FTO: variants seen among roughly 807,000 people sequenced by gnomAD.
FTO encodes the protein alpha-ketoglutarate-dependent dioxygenase FTO.
In FTO, 47 loss-of-function variants were observed where a neutral mutation model predicts 63.9. That is an observed-to-expected ratio of 0.74 (90% CI 0.58 to 0.94). FTO has a LOEUF of 0.94. Ranked by LOEUF, FTO falls within the 40% of genes least tolerant of loss-of-function variation. FTO has a pLI of 0.00. For missense variants in FTO, 562 were observed against 618.1 expected (o/e 0.91, Z 0.96); for synonymous variants, 207 against 224.4 (o/e 0.92, Z 0.69).
At chr16:53,717,322 T>A (rs1264867282) in intron 1 of FTO, among the ~76,000 whole-genome samples, 1 of 152,066 alleles carries the variant, frequency 6.6e-6, no homozygotes, top group African/African-American at 2.4e-5. Context: ...AAATGTTTGC[T>A]GATTTGGAGG....
intron 8 of FTO, among the ~76,000 whole-genome samples, chr16:53,964,350 G>A (rs533127369): frequency 6.6e-6 from 1 of 152,308 alleles, no homozygotes; most frequent in South Asian, 2.1e-4. Flanking sequence ...AAAAGAGGTG[G>A]CAGGATTTGA....
chr16:53,732,756 C>T (rs2076303365), intron 1 of FTO, among the ~76,000 whole-genome samples: 2 of 152,038 alleles, frequency 1.3e-5, no homozygotes, highest in Non-Finnish European at 2.9e-5. Context: ...GGTGGAAAGG[C>T]CAGCAGATTT....
rs1009172398 is a variant in FTO at position 53,778,189 on chromosome 16, G to A, written c.46-31951G>A. 2.6e-5 allele frequency among the ~76,000 whole-genome samples: 4 copies of A among 152,012 alleles called. No individual in the cohort carries two copies. In the East Asian group the frequency reaches 7.7e-4, roughly 29 times the overall value. On this transcript the variant is annotated intron_variant, in intron 1 of 8. Coordinates refer to ENST00000471389, the MANE Select transcript of FTO (RefSeq NM_001080432.3). ...ACATAGCAACTAGTAAGTTTTTGAG[G>A]TCTATTAAAACAGCCTGCTCACTAT... is the stretch of plus-strand genomic sequence containing the variant.
intron 1 of FTO, among the ~76,000 whole-genome samples, chr16:53,733,329 G>T (rs1447168883): frequency 6.6e-6 from 1 of 152,098 alleles, no homozygotes; most frequent in African/African-American, 2.4e-5. Context: ...TTGAACCTGA[G>T]AGGCGGAGGT....
intron 1 of FTO, among the ~76,000 whole-genome samples, chr16:53,744,825 TC>T (rs563024215): frequency 0.022 from 1,530 of 69,214 alleles, 23 homozygotes; most frequent in African/African-American, 0.088. Flanking sequence ...GGACTTTTCT[TC>T]CCCCCCCCCA....
chr16:53,956,406 A>C (rs1218117379), intron 8 of FTO, among the ~76,000 whole-genome samples: 3 of 152,150 alleles, frequency 2.0e-5, no homozygotes, highest in Admixed American at 6.5e-5. Flanking sequence ...AAATTCTCCA[A>C]ATCGAGCAGG....
At chr16:54,099,173 C>A (rs1423913531) in intron 8 of FTO, among the ~76,000 whole-genome samples, 1 of 152,142 alleles carries the variant, frequency 6.6e-6, no homozygotes, top group African/African-American at 2.4e-5. Flanking sequence ...GTAATTGCAT[C>A]AAATTGGACC....
At chr16:54,022,709 A>T (rs963894534) in intron 8 of FTO, among the ~76,000 whole-genome samples, 8 of 152,240 alleles carry the variant, frequency 5.3e-5, no homozygotes, top group Non-Finnish European at 1.2e-4. Context: ...GAATACCACA[A>T]GAGTTCACAA....
intron 8 of FTO, among the ~76,000 whole-genome samples, chr16:54,064,832 G>A (rs1003813765): frequency 6.6e-6 from 1 of 152,168 alleles, no homozygotes; most frequent in African/African-American, 2.4e-5. Context: ...AGGGAAGCAC[G>A]CCAGATAACC....
chr16:54,011,377 A>G (rs560353475), intron 8 of FTO, among the ~76,000 whole-genome samples: 2 of 152,364 alleles, frequency 1.3e-5, no homozygotes, highest in South Asian at 4.1e-4. Flanking sequence ...GAGAGGGCCC[A>G]GCCATAGATT....
chr16:53,898,791 C>T (rs1337522426), intron 7 of FTO, among the ~76,000 whole-genome samples: 5 of 152,032 alleles, frequency 3.3e-5, no homozygotes, highest in Non-Finnish European at 7.4e-5. Context: ...GTGATTTGCC[C>T]ACCTCAGCCT....
chr16:53,970,810 T>C (rs1271199303), intron 8 of FTO, among the ~76,000 whole-genome samples: 12 of 152,116 alleles, frequency 7.9e-5, no homozygotes, highest in African/African-American at 2.7e-4. Context: ...GGCAGATAAT[T>C]CACTGTTTTA....
chr16:53,853,687 T>C (rs532156468), intron 4 of FTO, among the ~76,000 whole-genome samples: 2 of 152,354 alleles, frequency 1.3e-5, no homozygotes, highest in East Asian at 3.9e-4. Context: ...TATTTCATGG[T>C]ATATATACAT....
chr16:54,030,633 C>G (rs1212167225), intron 8 of FTO, among the ~76,000 whole-genome samples: 4 of 152,072 alleles, frequency 2.6e-5, no homozygotes, highest in Non-Finnish European at 5.9e-5. Flanking sequence ...CCAGACCAAC[C>G]AGTTTTGACC....
chr16:53,775,155 A>G (rs2077432652), intron 1 of FTO, among the ~76,000 whole-genome samples: 1 of 152,090 alleles, frequency 6.6e-6, no homozygotes, highest in South Asian at 2.1e-4. Flanking sequence ...GCTGAGTGCC[A>G]CCATATCTAC....
intron 8 of FTO, among the ~76,000 whole-genome samples, chr16:53,984,321 CTTTTTTTTTTTTT>C (rs5816913): frequency 0.028 from 1,867 of 67,410 alleles, 49 homozygotes; most frequent in African/African-American, 0.088. Flanking sequence ...TGGAATGGGT[CTTTTTTTTTTTTT>C]TTTTTTTTTT....
At chr16:53,872,194 C>T (rs545142525) in intron 4 of FTO, among the ~76,000 whole-genome samples, 62 of 152,216 alleles carry the variant, frequency 4.1e-4, no homozygotes, top group Non-Finnish European at 6.2e-4. Flanking sequence ...ATAGAATACT[C>T]CTGGCTGTGT....
At chr16:53,852,101 C>CAAAAAAAAAAAAAAAAAAAAAAAAA (rs57004473) in intron 4 of FTO, among the ~76,000 whole-genome samples, 5 of 54,444 alleles carry the variant, frequency 9.2e-5, no homozygotes, top group South Asian at 8.3e-4. Context: ...ACAAAAAATA[C>CAAAAAAAAAAAAAAAAAAAAAAAAA]AAAAAAAAAA....
At chr16:54,069,228 A>G (rs1307104929) in intron 8 of FTO, among the ~76,000 whole-genome samples, 1 of 152,202 alleles carries the variant, frequency 6.6e-6, no homozygotes, top group African/African-American at 2.4e-5. Flanking sequence ...GGCCAGACCC[A>G]GGGCCTCGTT....
Sources: allele counts gnomAD v4.1 joint callset (sites outside exome capture counted in the v4.1 genomes callset), GRCh38; gene constraint gnomAD v4.1.1; transcripts MANE v1.5; gene names NCBI Gene and HGNC (gene_info 2026-07-23, HGNC 2026-07-21).